DLC1: variants seen among roughly 807,000 people sequenced by gnomAD.
The protein encoded by DLC1 is DLC1 Rho GTPase activating protein.
A neutral mutation model predicts 140.3 loss-of-function variants in DLC1; 54 were observed. The observed-to-expected ratio is 0.38, with a 90% CI of 0.31 to 0.48. The LOEUF is 0.48. DLC1 is among the 20% of genes least tolerant of loss of function. The probability of loss-of-function intolerance (pLI) is 0.96; values close to 1 mark genes in which losing one functional copy is unlikely to be tolerated. For synonymous variants in DLC1, 986 were observed against 728.1 expected (o/e 1.35, Z -5.70); for missense variants, 2,536 against 1,907.0 (o/e 1.33, Z -6.14).
intron 5 of DLC1, among the ~76,000 whole-genome samples, chr8:13,260,078 AGT>A (rs2117326383): frequency 6.6e-6 from 1 of 152,310 alleles, no homozygotes; most frequent in East Asian, 1.9e-4. Flanking sequence ...GAATGAACAC[AGT>A]GCTTTAGCGG....
chr8:13,306,862 T>A (rs909101578), intron 4 of DLC1, among the ~76,000 whole-genome samples: 1 of 151,532 alleles, frequency 6.6e-6, no homozygotes, highest in South Asian at 2.1e-4. Context: ...GGCGGGTGGA[T>A]CACCTGAGGT....
At chr8:13,126,485 A>C (rs947202407) in intron 5 of DLC1, among the ~76,000 whole-genome samples, 6 of 152,220 alleles carry the variant, frequency 3.9e-5, no homozygotes, top group African/African-American at 1.4e-4. Flanking sequence ...TAGCTCATAA[A>C]GTACGAAGTC....
intron 4 of DLC1, among the ~76,000 whole-genome samples, chr8:13,318,640 C>G (rs1832956515): frequency 1.3e-5 from 2 of 152,100 alleles, no homozygotes; most frequent in South Asian, 2.1e-4. Flanking sequence ...TTGCTAGTAA[C>G]AAACAAACAA....
intron 4 of DLC1, among the ~76,000 whole-genome samples, chr8:13,390,050 A>G (rs1307455729): frequency 6.6e-6 from 1 of 152,128 alleles, no homozygotes; most frequent in African/African-American, 2.4e-5. Context: ...TTATTCCTTA[A>G]GCTCCAAATT....
chr8:13,165,355 G>C (rs1825033489), intron 5 of DLC1, among the ~76,000 whole-genome samples: 1 of 152,164 alleles, frequency 6.6e-6, no homozygotes, highest in African/African-American at 2.4e-5. Context: ...AGTAGGCAAG[G>C]AATTTGAAGA....
intron 1 of DLC1, among the ~76,000 whole-genome samples, chr8:13,526,814 C>G (rs1442170896): frequency 1.3e-5 from 2 of 152,048 alleles, no homozygotes; most frequent in African/African-American, 4.8e-5. Flanking sequence ...GGAGATATAC[C>G]TAATGTAAAT....
At chr8:13,562,834 C>A (rs1484845481) in intron 1 of DLC1, among the ~76,000 whole-genome samples, 2 of 150,812 alleles carry the variant, frequency 1.3e-5, no homozygotes, top group African/African-American at 4.9e-5. Context: ...AAATACTATG[C>A]AATCTTAGAA....
chr8:13,451,244 A>C (rs893018118), intron 2 of DLC1, among the ~76,000 whole-genome samples: 5 of 151,916 alleles, frequency 3.3e-5, no homozygotes, highest in African/African-American at 1.2e-4. Flanking sequence ...ATTTTTGTGT[A>C]TACATAGTAG....
chr8:13,336,343 T>A (rs1833810228), intron 4 of DLC1, among the ~76,000 whole-genome samples: 1 of 152,194 alleles, frequency 6.6e-6, no homozygotes. Context: ...TTCTAAAGTA[T>A]CAATATATGT....
At chr8:13,358,983 C>T (rs984235379) in intron 4 of DLC1, among the ~76,000 whole-genome samples, 2 of 115,200 alleles carry the variant, frequency 1.7e-5, no homozygotes, top group Admixed American at 1.8e-4. Flanking sequence ...CTGTCGCCCA[C>T]GCTGGAGTGC....
At chr8:13,106,228 A>C (rs1585638270) in intron 7 of DLC1, among the ~76,000 whole-genome samples, 1 of 152,358 alleles carries the variant, frequency 6.6e-6, no homozygotes, top group South Asian at 2.1e-4. Flanking sequence ...AAAACAAAGA[A>C]GAGAAGAGGG....
chr8:13,093,954 G>A (rs1336110649), intron 12 of DLC1, among the ~76,000 whole-genome samples: 1 of 152,198 alleles, frequency 6.6e-6, no homozygotes, highest in Admixed American at 6.5e-5. Flanking sequence ...AGAAGGGCAT[G>A]GGTATTGTTC....
intron 5 of DLC1, among the ~76,000 whole-genome samples, chr8:13,208,724 CCA>C (rs1329603677): frequency 1.5e-5 from 2 of 131,116 alleles, no homozygotes; most frequent in East Asian, 2.1e-4. Flanking sequence ...GAAACACACA[CCA>C]CACACACACA....
rs911194345 is a variant in DLC1 at position 13,083,958 on chromosome 8, T to C, written c.*1853A>G. The C allele has an allele frequency of 6.5e-6, 1 of 152,674 alleles. No homozygotes were observed. Among genetic ancestry groups the C allele is most frequent in the Non-Finnish European group, 1.5e-5 (1 of 68,056 alleles). The allele number at this position is 152,674 out of a possible 1,614,324, so 9.5% of individuals were successfully genotyped here. A position where few individuals can be genotyped will look rare whatever the true frequency, so the allele number is the denominator to read the frequency against. On this transcript the variant is annotated 3_prime_UTR_variant, in exon 18 of 18. Coordinates refer to ENST00000276297, the MANE Select transcript of DLC1 (RefSeq NM_182643.3). ...CATTTAATAATAGTGCACTTATTGA[T>C]TATAATCTGTACAGATATAGAGCAA...
chr8:13,305,329 G>A, intron 4 of DLC1, 27 bp from the exon 5 acceptor site: 1 of 1,561,972 alleles, frequency 6.4e-7, no homozygotes, highest in Non-Finnish European at 8.6e-7. Flanking sequence ...AAAAATTGTG[G>A]TATTATTAGG....
rs1486958315 is a variant in DLC1, at chr8:13,579,573, A to T, written c.-126+24964T>A. Among the ~76,000 whole-genome samples the T allele has an allele frequency of 9.8e-5, 9 of 91,714 alleles. 1 individual carries two copies. The South Asian group carries it at 1.3e-3, about 13-fold the overall frequency. The allele number at this position is 91,714 out of a possible 152,430, so 60.2% of individuals were successfully genotyped here. A position where few individuals can be genotyped will look rare whatever the true frequency, so the allele number is the denominator to read the frequency against. On this transcript the variant is annotated intron_variant, in intron 1 of 1. Transcript: ENST00000631382. Reference sequence around the variant, plus strand: ...TATTATATTTTATATTATATATTTAATATATTATATTTTATATTATATATT... The same window carrying T: ...TATTATATTTTATATTATATATTTATTATATTATATTTTATATTATATATT...
At chr8:13,088,804 T>G in intron 15 of DLC1, 100 bp from the exon 16 acceptor site, 1 of 900,126 alleles carries the variant, frequency 1.1e-6, no homozygotes. Context: ...TTACATATAA[T>G]CAACGTTAAT....
intron 2 of DLC1, among the ~76,000 whole-genome samples, chr8:13,413,482 G>C (rs192206450): frequency 6.9e-5 from 8 of 116,076 alleles, no homozygotes; most frequent in South Asian, 6.6e-4. Flanking sequence ...TTATTTCTCT[G>C]TGTGTGTGTG....
intron 1 of DLC1, among the ~76,000 whole-genome samples, chr8:13,503,806 G>A (rs1381780409): frequency 6.6e-6 from 1 of 152,188 alleles, no homozygotes; most frequent in African/African-American, 2.4e-5. Flanking sequence ...TACCAATTTT[G>A]TGGGAGAAAC....
Sources: gnomAD v4.1 joint callset for allele counts (sites outside exome capture counted in the v4.1 genomes callset) on GRCh38, gnomAD v4.1.1 for gene constraint, MANE v1.5 for transcripts, NCBI Gene and HGNC (gene_info 2026-07-23, HGNC 2026-07-21) for gene names.